Variants in TOR1AIP1 observed in about 807,000 individuals in gnomAD.
The protein encoded by TOR1AIP1 is torsin 1A interacting protein 1.
Under a neutral mutation model 63.3 loss-of-function variants are expected in TOR1AIP1, and 54 were observed. The observed-to-expected ratio is 0.85, with a 90% CI of 0.69 to 1.07. The LOEUF is 1.07. Among genes scored for constraint, TOR1AIP1 ranks in the 50% least tolerant of loss-of-function variants. TOR1AIP1 has a pLI of 0.00. For synonymous variants in TOR1AIP1, 294 were observed against 273.5 expected (o/e 1.07, Z -0.74); for missense variants, 736 against 715.0 (o/e 1.03, Z -0.33).
At position 179,889,410 on chromosome 1, in the gene TOR1AIP1, TAC is replaced by T. The variant is rs773542386; in HGVS notation, c.610+43_610+44del. 12 of 1,515,808 alleles carry T rather than the reference TAC, an allele frequency of 7.9e-6. No homozygotes were observed. The East Asian group carries it at 2.5e-4, about 31-fold the overall frequency. The allele number at this position is 1,515,808 out of a possible 1,614,324, so 93.9% of individuals were successfully genotyped here. Reference sequence around the variant, plus strand: ...TCTGTTGGTTTACCTTTGTTATAAATACAGTTTTATTTTTAAATATGGTTGTA... The same window carrying T: ...TCTGTTGGTTTACCTTTGTTATAAATAGTTTTATTTTTAAATATGGTTGTA... On this transcript the variant is annotated intron_variant, in intron 3 of 9. Coordinates refer to ENST00000606911, the MANE Select transcript of TOR1AIP1 (RefSeq NM_015602.4).
At chr1:179,913,868 C>A in intron 8 of TOR1AIP1, 130 bp from the exon 9 acceptor site, 1 of 819,890 alleles carries the variant, frequency 1.2e-6, no homozygotes, top group Non-Finnish European at 1.9e-6. Context: ...TCTACTTTTT[C>A]TTCTGCTTCT....
In TOR1AIP1 at chr1:179,913,686, C is replaced by T. The variant is rs561902354; in HGVS notation, c.908-312C>T. The T allele has an allele frequency of 2.0e-5, 14 of 701,334 alleles. No individual in the cohort carries two copies. In the Middle Eastern group the frequency reaches 6.9e-4, roughly 34 times the overall value. The allele number at this position is 701,334 out of a possible 1,614,324, so 43.4% of individuals were successfully genotyped here. On this transcript the variant is annotated intron_variant, in intron 8 of 9. Coordinates refer to ENST00000606911, the MANE Select transcript of TOR1AIP1 (RefSeq NM_015602.4). ...CTTAGTTTCTTTGTCCTTTTTATCC[C>T]GGAAGTTTCACCAATCCCATTAGAT...
chr1:179,908,550 G>A (rs1459965933), intron 7 of TOR1AIP1, 55 bp from the exon 8 acceptor site: 1 of 1,398,804 alleles, frequency 7.1e-7, no homozygotes, highest in South Asian at 1.2e-5. Flanking sequence ...ACTGGAATAT[G>A]GTATAAACTT....
rs1649082605 is a variant in TOR1AIP1 at position 179,918,118 on chromosome 1, AC to A, written c.1632del (p.Asn544LysfsTer14). 1 of 1,614,050 alleles carries A rather than the reference AC, an allele frequency of 6.2e-7. No individual in the cohort carries two copies. The highest frequency in any genetic ancestry group is 8.5e-7 in the Non-Finnish European group (1 of 1,180,034). On this transcript the variant is annotated frameshift_variant, in exon 10 of 10. Coordinates refer to ENST00000606911, the MANE Select transcript of TOR1AIP1 (RefSeq NM_015602.4). LOFTEE classifies it high-confidence loss of function. ...DFLKVKFTNS[N>X]TPNSYNHMDP... is the part of the protein sequence containing the mutation. ...CTTAAAGTCAAGTTCACCAATTCTA[AC>A]ACACCCAACTCCTACAATCATATGG...
chr1:179,886,282 G>T (rs1647905656), intron 2 of TOR1AIP1, among the ~76,000 whole-genome samples: 1 of 152,168 alleles, frequency 6.6e-6, no homozygotes, highest in Admixed American at 6.5e-5. Context: ...AGACTACTGA[G>T]TGCTAGCCTC....
At chr1:179,909,769 T>G (rs1247262154) in intron 8 of TOR1AIP1, among the ~76,000 whole-genome samples, 1 of 151,910 alleles carries the variant, frequency 6.6e-6, no homozygotes, top group Non-Finnish European at 1.5e-5. Context: ...TGTTTTGTTT[T>G]GGGTTTTTTT....
rs55752745 is a variant in TOR1AIP1, at chr1:179,907,593, TTATA to T, written c.797-208_797-205del. Among the ~76,000 whole-genome samples, 8,414 of 63,024 alleles carry T rather than the reference TTATA, an allele frequency of 0.13. 358 individuals are homozygous for T. Among genetic ancestry groups the T allele is most frequent in the Admixed American group, 0.17 (839 of 4,936 alleles). 41.3% of individuals were successfully genotyped at this position (63,024 alleles called of 152,430 possible). A position where few individuals can be genotyped will look rare whatever the true frequency, so the allele number is the denominator to read the frequency against. On this transcript the variant is annotated intron_variant, in intron 6 of 9. Coordinates refer to ENST00000606911, the MANE Select transcript of TOR1AIP1 (RefSeq NM_015602.4). ...AGGGGGAAAGAAATACACACACACT[TTATA>T]TATATATATATATATATATATGTAT...
At chr1:179,891,128 TA>T (rs1648064460) in intron 3 of TOR1AIP1, among the ~76,000 whole-genome samples, 1 of 152,250 alleles carries the variant, frequency 6.6e-6, no homozygotes, top group Non-Finnish European at 1.5e-5. Flanking sequence ...TAAAAACATG[TA>T]ATCAATTTAG....
At chr1:179,908,136 C>T (rs1010371437) in intron 7 of TOR1AIP1, among the ~76,000 whole-genome samples, 1 of 151,994 alleles carries the variant, frequency 6.6e-6, no homozygotes, top group Middle Eastern at 3.2e-3. Flanking sequence ...TCTTGATCTC[C>T]TGACCTCATG....
rs930156642 is a variant in TOR1AIP1 at position 179,911,136 on chromosome 1, A to G, written c.907+2463A>G. ...AGTAACACACCAGAAGTGTGCATGT[A>G]ATAGGATCTTTTAGACTTTCAACCA... On this transcript the variant is annotated intron_variant, in intron 8 of 9. Transcript: ENST00000606911. 7.2e-5 allele frequency among the ~76,000 whole-genome samples: 11 copies of G among 152,222 alleles called. 1 individual carries two copies. Among genetic ancestry groups the G allele is most frequent in the South Asian group, 4.1e-4 (2 of 4,832 alleles).
At chr1:179,907,975 C>CT in intron 7 of TOR1AIP1, 111 bp downstream of exon 7, 1 of 646,200 alleles carries the variant, frequency 1.5e-6, no homozygotes, top group Non-Finnish European at 2.2e-6. Context: ...GGAGTGCAAT[C>CT]TGGGCTCATT....
chr1:179,916,096 A>G (rs1427650939), intron 9 of TOR1AIP1, among the ~76,000 whole-genome samples: 2 of 152,226 alleles, frequency 1.3e-5, no homozygotes, highest in African/African-American at 2.4e-5. Flanking sequence ...TAAATAATTA[A>G]CTGCTTCATA....
At chr1:179,895,733 C>T (rs1027825195) in intron 3 of TOR1AIP1, among the ~76,000 whole-genome samples, 16 of 152,008 alleles carry the variant, frequency 1.1e-4, no homozygotes, top group Non-Finnish European at 4.4e-5. Context: ...AACCCCGTCT[C>T]TACTAAAAAT....
At position 179,882,719 on chromosome 1, in the gene TOR1AIP1, C is replaced by T. The variant is rs1647755635; in HGVS notation, c.217C>T (p.Leu73=). The T allele has an allele frequency of 1.9e-6, 3 of 1,613,832 alleles. No homozygotes were observed. The highest frequency in any genetic ancestry group is 1.7e-6 in the Non-Finnish European group (2 of 1,179,844). Residue 73 remains leucine, a synonymous_variant, in exon 1 of 10, where the codon CTG becomes TTG. Transcript: ENST00000606911. ...AGAAGTGTACGGCGACTTCGAGCCC[C>T]TGGTGGCCAAAGAAAGGTCCCCGGT... ...PPEVYGDFEP[L]VAKERSPVGK...
chr1:179,901,277 T>G (rs1442300597), intron 4 of TOR1AIP1, 25 bp from the exon 5 acceptor site: 2 of 1,489,214 alleles, frequency 1.3e-6, no homozygotes, highest in Non-Finnish European at 1.9e-6. Flanking sequence ...TAGACTATAT[T>G]AGTATATTGT....
At chr1:179,908,169 A>T (rs931188803) in intron 7 of TOR1AIP1, among the ~76,000 whole-genome samples, 1 of 151,978 alleles carries the variant, frequency 6.6e-6, no homozygotes, top group African/African-American at 2.4e-5. Context: ...CGGCCTCCCA[A>T]AGTGCTGGAA....
intron 1 of TOR1AIP1, among the ~76,000 whole-genome samples, chr1:179,884,471 A>T (rs1463870321): frequency 6.6e-6 from 1 of 152,068 alleles, no homozygotes; most frequent in Non-Finnish European, 1.5e-5. Flanking sequence ...TAAAACAACA[A>T]TGGCAAATAT....
chr1:179,884,734 CAAAG>C lies in TOR1AIP1; in HGVS notation c.522_525del (p.Lys175LeufsTer10). 6.2e-7 allele frequency: 1 copy of C among 1,612,026 alleles called. No homozygotes were observed. The highest frequency in any genetic ancestry group is 8.5e-7 in the Non-Finnish European group (1 of 1,179,250). ...CAAACTGATTTAAGCCAAACGATCT[CAAAG>C]AAAACTGTCAGGAGCATACAAGAGG... is the stretch of plus-strand genomic sequence containing the variant. On this transcript the variant is annotated frameshift_variant, in exon 2 of 10. Transcript: ENST00000606911. LOFTEE classifies it high-confidence loss of function.
rs1178580215 is a variant in TOR1AIP1, at chr1:179,889,898, CCT to C, written c.610+531_610+532del. On this transcript the variant is annotated intron_variant, in intron 3 of 9. Coordinates refer to ENST00000606911, the MANE Select transcript of TOR1AIP1 (RefSeq NM_015602.4). ...AACGCCTGGGTAAGTGATCCACCCA[CCT>C]CAGCCTCCCAGAGTGCTGGGATTAC... Among the ~76,000 whole-genome samples the C allele has an allele frequency of 3.3e-5, 5 of 152,146 alleles. No homozygotes were observed. In the East Asian group the frequency reaches 9.6e-4, roughly 29 times the overall value.
Sources: gnomAD v4.1 joint callset for allele counts (sites outside exome capture counted in the v4.1 genomes callset) on GRCh38, gnomAD v4.1.1 for gene constraint, MANE v1.5 for transcripts, NCBI Gene and HGNC (gene_info 2026-07-23, HGNC 2026-07-21) for gene names.